The following TMPRSS11A variants were observed in gnomAD, a reference collection of about 807,000 sequenced individuals.
TMPRSS11A encodes the protein transmembrane protease serine 11A.
TMPRSS11A carries 53 observed loss-of-function variants against 58.9 expected under a neutral mutation model. The ratio of observed to expected loss-of-function variants is 0.90; its 90% CI spans 0.72 to 1.13. The LOEUF (loss-of-function observed/expected upper bound fraction) is 1.13, where lower values mean the gene tolerates loss of function less well. Among genes scored for constraint, TMPRSS11A ranks in the 50% most tolerant of loss-of-function variants. The probability of loss-of-function intolerance (pLI) is 0.00; values close to 1 mark genes in which losing one functional copy is unlikely to be tolerated. For synonymous variants in TMPRSS11A, 167 were observed against 169.8 expected (o/e 0.98, Z 0.13); for missense variants, 493 against 499.3 (o/e 0.99, Z 0.12).
intron 4 of TMPRSS11A, among the ~76,000 whole-genome samples, chr4:67,930,829 T>TTTTTATA (rs1265700805): frequency 3.3e-5 from 3 of 90,156 alleles, no homozygotes; most frequent in African/African-American, 9.4e-5. Flanking sequence ...TTTTTTTTTT[T>TTTTTATA]ACAAAAAAAA....
intron 4 of TMPRSS11A, among the ~76,000 whole-genome samples, chr4:67,931,187 A>G (rs1240443723): frequency 1.3e-5 from 2 of 152,158 alleles, no homozygotes; most frequent in Admixed American, 6.6e-5. Context: ...TATTGTAGGA[A>G]TTACCCAATT....
chr4:67,955,778 C>T (rs184901238), intron 1 of TMPRSS11A, among the ~76,000 whole-genome samples: 39 of 152,282 alleles, frequency 2.6e-4, no homozygotes, highest in African/African-American at 9.4e-4. Context: ...TCTCTACCCT[C>T]ATGCAATTCA....
chr4:67,944,203 G>A (rs570396200), intron 3 of TMPRSS11A, among the ~76,000 whole-genome samples: 13 of 152,250 alleles, frequency 8.5e-5, no homozygotes, highest in African/African-American at 2.2e-4. Flanking sequence ...CAGGGGAAAC[G>A]TGGTGGAATT....
At position 67,924,660 on chromosome 4, in the gene TMPRSS11A, G is replaced by T. The variant is rs1044188004; in HGVS notation, c.482-494C>A. 9.8e-5 allele frequency among the ~76,000 whole-genome samples: 15 copies of T among 152,328 alleles called. No homozygotes were observed. The East Asian group carries it at 2.3e-3, about 24-fold the overall frequency. ...TCACAATCATGGAGGAAGGCAAAAG[G>T]CATGTCTTACATGGTGGCAAGCAAG... On this transcript the variant is annotated intron_variant, in intron 5 of 9. Transcript: ENST00000508048.
chr4:67,911,851 G>C (rs1258899172), intron 9 of TMPRSS11A, among the ~76,000 whole-genome samples: 5 of 152,076 alleles, frequency 3.3e-5, no homozygotes, highest in Non-Finnish European at 7.4e-5. Context: ...ATTTCTTATA[G>C]TATCTAACTC....
At chr4:67,957,877 C>A (rs1168542389) in intron 1 of TMPRSS11A, among the ~76,000 whole-genome samples, 2 of 152,106 alleles carry the variant, frequency 1.3e-5, no homozygotes, top group Non-Finnish European at 2.9e-5. Context: ...CTGCTGTGTG[C>A]AGTCTAGGGA....
intron 1 of TMPRSS11A, among the ~76,000 whole-genome samples, chr4:67,961,015 G>A (rs756460487): frequency 6.6e-6 from 1 of 152,120 alleles, no homozygotes; most frequent in Non-Finnish European, 1.5e-5. Flanking sequence ...ATTAACAAAA[G>A]TGTAGGAAAA....
Position 67,944,529 on chromosome 4 carries a change from G to T in TMPRSS11A, c.242C>A (p.Thr81Asn). The T allele has an allele frequency of 2.5e-6, 4 of 1,607,652 alleles. No individual in the cohort carries two copies. Among genetic ancestry groups the T allele is most frequent in the Non-Finnish European group, 3.4e-6 (4 of 1,177,446 alleles). Residue 81 changes from threonine (T) to asparagine (N), a missense_variant, in exon 3 of 10, where the codon ACC (threonine) becomes AAC (asparagine). Transcript: ENST00000508048. ...TYQLKDLRET[T>N]ENLVDEIFID... ...GTTTACCTGACTCACCAAATTTTCG[G>T]TCGTCTCTCGTAAGTCCTTAAGTTG...
chr4:67,919,549 G>A (rs1720262528), intron 7 of TMPRSS11A, among the ~76,000 whole-genome samples: 1 of 152,040 alleles, frequency 6.6e-6, no homozygotes, highest in Non-Finnish European at 1.5e-5. Flanking sequence ...TGAACTGCTG[G>A]GGATAAAGTG....
At chr4:67,948,437 C>A (rs2109764654) in intron 1 of TMPRSS11A, among the ~76,000 whole-genome samples, 2 of 152,262 alleles carry the variant, frequency 1.3e-5, no homozygotes, top group South Asian at 4.1e-4. Context: ...GGATTACAGG[C>A]ATGAGCCACT....
Position 67,922,125 on chromosome 4 carries a change from G to C in TMPRSS11A, c.692+630C>G, listed in dbSNP as rs145684547. 1.0e-2 allele frequency among the ~76,000 whole-genome samples: 1,515 copies of C among 152,190 alleles called. 25 individuals carry two copies. Among genetic ancestry groups the C allele is most frequent in the African/African-American group, 0.034 (1,426 of 41,516 alleles). ...TATTGTGAAGAGATGCTCTATTATG[G>C]GAAGGTCACATTGAGTGGCCCAAGG... On this transcript the variant is annotated intron_variant, in intron 7 of 9. Coordinates refer to ENST00000508048, the MANE Select transcript of TMPRSS11A (RefSeq NM_001114387.2).
chr4:67,939,522 G>C (rs1378190111), intron 3 of TMPRSS11A, among the ~76,000 whole-genome samples: 3 of 152,110 alleles, frequency 2.0e-5, no homozygotes, highest in Admixed American at 1.3e-4. Context: ...TCCAGCTTTT[G>C]CCCATTCAGT....
In TMPRSS11A at chr4:67,963,246, T is replaced by C. The variant is rs994436535; in HGVS notation, c.11+137A>G. On this transcript the variant is annotated intron_variant, in intron 1 of 9. Coordinates refer to ENST00000508048, the MANE Select transcript of TMPRSS11A (RefSeq NM_001114387.2). Reference sequence around the variant, plus strand: ...AATTAATCCAGGATGCTATGATAATTCCAGAAATTTAAAAAAATCCAGTGC... The same window carrying C: ...AATTAATCCAGGATGCTATGATAATCCCAGAAATTTAAAAAAATCCAGTGC... 6.8e-6 allele frequency: 5 copies of C among 734,148 alleles called. No homozygotes were observed. In the Admixed American group the frequency reaches 1.1e-4, roughly 17 times the overall value. The allele number at this position is 734,148 out of a possible 1,614,324, so 45.5% of individuals were successfully genotyped here.
chr4:67,951,467 C>T (rs553244680), intron 1 of TMPRSS11A, among the ~76,000 whole-genome samples: 31 of 152,132 alleles, frequency 2.0e-4, no homozygotes, highest in Non-Finnish European at 3.1e-4. Flanking sequence ...CTTTACTTCC[C>T]AAGGATCTTA....
intron 5 of TMPRSS11A, among the ~76,000 whole-genome samples, chr4:67,928,094 G>A (rs915908053): frequency 6.6e-6 from 1 of 152,172 alleles, no homozygotes; most frequent in Non-Finnish European, 1.5e-5. Context: ...GCCCAGGCTT[G>A]AGTGCAGTGG....
chr4:67,916,167 A>G (rs1162767063), intron 8 of TMPRSS11A, among the ~76,000 whole-genome samples: 1 of 152,210 alleles, frequency 6.6e-6, no homozygotes, highest in Non-Finnish European at 1.5e-5. Context: ...TATGTAAAAT[A>G]AGACGCTTCT....
At chr4:67,957,785 G>A (rs150012691) in intron 1 of TMPRSS11A, among the ~76,000 whole-genome samples, 1,548 of 152,206 alleles carry the variant, frequency 0.01, 31 homozygotes, top group African/African-American at 0.035. Flanking sequence ...GCATGTCAGA[G>A]GTCTTCAAGG....
intron 1 of TMPRSS11A, among the ~76,000 whole-genome samples, chr4:67,957,193 G>A (rs1362508584): frequency 6.6e-6 from 1 of 152,162 alleles, no homozygotes; most frequent in African/African-American, 2.4e-5. Context: ...CAGTAAATTG[G>A]TACCAATAGA....
rs1487254402 is a variant in TMPRSS11A, at chr4:67,910,144, G to C, written c.*1198C>G. Reference sequence around the variant, plus strand: ...AATACATGAGCCTTACTCTCCTAATGACTTCAGGAGACACGTTGCTGATGG... The same window carrying C: ...AATACATGAGCCTTACTCTCCTAATCACTTCAGGAGACACGTTGCTGATGG... On this transcript the variant is annotated 3_prime_UTR_variant, in exon 10 of 10. Transcript: ENST00000508048. The C allele has an allele frequency of 6.6e-6, 1 of 151,890 alleles. No individual in the cohort carries two copies. Among genetic ancestry groups the C allele is most frequent in the Non-Finnish European group, 1.5e-5 (1 of 67,908 alleles). 9.4% of individuals were successfully genotyped at this position (151,890 alleles called of 1,614,324 possible).
Sources: allele counts gnomAD v4.1 joint callset (sites outside exome capture counted in the v4.1 genomes callset), GRCh38; gene constraint gnomAD v4.1.1; transcripts MANE v1.5; gene names NCBI Gene and HGNC (gene_info 2026-07-23, HGNC 2026-07-21).